Variants in RPS6KA3 observed in about 807,000 individuals in gnomAD.
RPS6KA3 encodes the protein ribosomal protein S6 kinase alpha-3.
Under a neutral mutation model 67.2 loss-of-function variants are expected in RPS6KA3, and 4 were observed. The ratio of observed to expected loss-of-function variants is 0.06; its 90% CI spans 0.03 to 0.14. The LOEUF is 0.14. Ranked by LOEUF, RPS6KA3 falls within the 10% of genes least tolerant of loss-of-function variation. The pLI is 1.00. For missense variants in RPS6KA3, 204 were observed against 559.0 expected, an observed-to-expected ratio of 0.36 and a Z score of 6.40; for synonymous variants, 182 against 183.7, an observed-to-expected ratio of 0.99 and a Z score of 0.07.
At chrX:20,164,257 C>T (rs2067377129) in intron 18 of RPS6KA3, among the ~76,000 whole-genome samples, 1 of 111,237 alleles carries the variant, frequency 9.0e-6, no homozygotes, top group Admixed American at 9.6e-5. Context: ...TAGAGGGTGG[C>T]CTGCTTATAT....
chrX:20,200,524 A>G (rs1406549661), intron 4 of RPS6KA3, among the ~76,000 whole-genome samples: 1 of 112,065 alleles, frequency 8.9e-6, no homozygotes, highest in African/African-American at 3.2e-5. Flanking sequence ...TCACTTTTCT[A>G]TCATCTCTTT....
At chrX:20,250,975 T>C (rs1033030816) in intron 1 of RPS6KA3, among the ~76,000 whole-genome samples, 2 of 112,193 alleles carry the variant, frequency 1.8e-5, no homozygotes, top group African/African-American at 6.5e-5. Flanking sequence ...TATCATTCTC[T>C]TTCAGGGTCT....
chrX:20,198,975 G>A (rs890586507), intron 4 of RPS6KA3, among the ~76,000 whole-genome samples: 1 of 110,907 alleles, frequency 9.0e-6, no homozygotes, highest in Non-Finnish European at 1.9e-5. Context: ...GGGTTCAAAC[G>A]ATTCTCCTGT....
intron 18 of RPS6KA3, among the ~76,000 whole-genome samples, chrX:20,164,197 T>C (rs964311334): frequency 4.6e-5 from 5 of 109,825 alleles, no homozygotes; most frequent in Non-Finnish European, 9.5e-5. Context: ...ATGTTATAGG[T>C]ATGAAGATGA....
At chrX:20,204,134 C>T (rs2068514251) in intron 3 of RPS6KA3, 31 bp from the exon 4 acceptor site, 2 of 947,115 alleles carry the variant, frequency 2.1e-6, no homozygotes, top group Non-Finnish European at 3.1e-6. Flanking sequence ...ATAAATATTA[C>T]AAAGTAGTAT....
intron 4 of RPS6KA3, among the ~76,000 whole-genome samples, chrX:20,201,767 C>A (rs1273761151): frequency 9.1e-6 from 1 of 110,452 alleles, no homozygotes; most frequent in East Asian, 2.8e-4. Context: ...GCCCCTTAGC[C>A]AACTCCTTAT....
At chrX:20,264,937 T>C (rs2070332203) in intron 1 of RPS6KA3, among the ~76,000 whole-genome samples, 1 of 112,514 alleles carries the variant, frequency 8.9e-6, no homozygotes, top group Non-Finnish European at 1.9e-5. Flanking sequence ...ATACTGTTTT[T>C]CACACTACCC....
chrX:20,231,195 C>T (rs779604209), intron 2 of RPS6KA3, among the ~76,000 whole-genome samples: 1 of 111,119 alleles, frequency 9.0e-6, no homozygotes, highest in African/African-American at 3.3e-5. Context: ...TGGGTTCAAG[C>T]GAACCTCTTG....
chrX:20,227,117 G>T (rs1049100443), intron 2 of RPS6KA3, among the ~76,000 whole-genome samples: 12 of 111,292 alleles, frequency 1.1e-4, no homozygotes, highest in Non-Finnish European at 1.5e-4. Context: ...AGTCTATTTA[G>T]ATTCATCACT....
chrX:20,176,018 A>G (rs769709966), intron 13 of RPS6KA3, among the ~76,000 whole-genome samples: 1 of 111,033 alleles, frequency 9.0e-6, no homozygotes, highest in South Asian at 3.9e-4. Flanking sequence ...TTACAGGCAC[A>G]TGCCACCAAA....
chrX:20,186,690 T>C (rs1603424993), intron 9 of RPS6KA3, among the ~76,000 whole-genome samples: 1 of 110,885 alleles, frequency 9.0e-6, no homozygotes, highest in Non-Finnish European at 1.9e-5. Context: ...TCTCCTGGGC[T>C]CAAGCAATTC....
chrX:20,214,058 C>G (rs2068784793), intron 2 of RPS6KA3, among the ~76,000 whole-genome samples: 1 of 111,590 alleles, frequency 9.0e-6, no homozygotes, highest in East Asian at 2.8e-4. Flanking sequence ...TTTTTAACAG[C>G]CTTCCACCAT....
intron 2 of RPS6KA3, among the ~76,000 whole-genome samples, chrX:20,232,711 TAC>T (rs1234084313): frequency 8.9e-6 from 1 of 112,232 alleles, no homozygotes; most frequent in East Asian, 2.8e-4. Context: ...CCAGAATATA[TAC>T]AGAGATTGTA....
chrX:20,266,940 G>A, upstream of RPS6KA3: 1 of 708,764 alleles, frequency 1.4e-6, no homozygotes, highest in Non-Finnish European at 1.7e-6. Context: ...CGGGACTACG[G>A]CTCCGCCCCC....
chrX:20,238,854 G>C (rs1262829336), intron 1 of RPS6KA3, among the ~76,000 whole-genome samples: 1 of 111,079 alleles, frequency 9.0e-6, no homozygotes, highest in African/African-American at 3.3e-5. Flanking sequence ...GGATTCAAAT[G>C]TTATCTATTA....
intron 16 of RPS6KA3, 109 bp downstream of exon 16, chrX:20,169,293 C>A: frequency 1.7e-6 from 1 of 593,410 alleles, no homozygotes. Flanking sequence ...GGCCACTGTG[C>A]CCAGCCTATG....
Position 20,155,068 on chromosome X carries a change from T to C in RPS6KA3, c.*330A>G. ...AGAATATTTAAGGGACATGAAATAT[T>C]TCCTATAAAAATAATGCTATATGGT... On this transcript the variant is annotated 3_prime_UTR_variant, in exon 22 of 22. Coordinates refer to ENST00000379565, the MANE Select transcript of RPS6KA3 (RefSeq NM_004586.3). 1 of 266,968 alleles carries C rather than the reference T, an allele frequency of 3.7e-6. No homozygotes were observed. The highest frequency in any genetic ancestry group is 6.8e-6 in the Non-Finnish European group (1 of 146,141). The allele number at this position is 266,968 out of a possible 1,213,427, so 22.0% of individuals were successfully genotyped here. A position where few individuals can be genotyped will look rare whatever the true frequency, so the allele number is the denominator to read the frequency against.
intron 14 of RPS6KA3, among the ~76,000 whole-genome samples, chrX:20,174,347 C>CTT (rs746491012): frequency 2.2e-5 from 2 of 91,458 alleles, no homozygotes. Context: ...ATTCTACTTT[C>CTT]TTTTTTTTTT....
intron 13 of RPS6KA3, 33 bp downstream of exon 13, chrX:20,176,217 T>C (rs368952378): frequency 1.0e-5 from 9 of 880,928 alleles, no homozygotes; most frequent in Non-Finnish European, 1.2e-5. Context: ...ATATTTGTTG[T>C]CTTATATTTG....
Sources: allele counts gnomAD v4.1 joint callset (sites outside exome capture counted in the v4.1 genomes callset), GRCh38; gene constraint gnomAD v4.1.1; transcripts MANE v1.5; gene names NCBI Gene and HGNC (gene_info 2026-07-23, HGNC 2026-07-21).